ZNF717: variants seen among roughly 807,000 people sequenced by gnomAD.
The protein encoded by ZNF717 is krueppel-like factor X17.
ZNF717 carries 9 observed loss-of-function variants against 13.8 expected under a neutral mutation model. The ratio of observed to expected loss-of-function variants is 0.65; its 90% confidence interval spans 0.39 to 1.14. The LOEUF (loss-of-function observed/expected upper bound fraction) is 1.14, where lower values mean the gene tolerates loss of function less well. Ranked by LOEUF, ZNF717 falls within the 50% of genes most tolerant of loss-of-function variation. ZNF717 has a pLI of 0.01. For missense variants in ZNF717, 1,040 were observed against 1,080.7 expected, an observed-to-expected ratio of 0.96 and a Z score of 0.53; for synonymous variants, 327 against 364.1, an observed-to-expected ratio of 0.90 and a Z score of 1.16.
intron 2 of ZNF717, among the ~76,000 whole-genome samples, chr3:75,745,738 T>C (rs1941094518): frequency 2.0e-5 from 3 of 152,100 alleles, no homozygotes; most frequent in Admixed American, 6.6e-5. Flanking sequence ...GCACCTGGCT[T>C]ATTTCACTTA....
intron 2 of ZNF717, among the ~76,000 whole-genome samples, chr3:75,747,366 C>A (rs1415904912): frequency 5.9e-5 from 9 of 152,114 alleles, no homozygotes; most frequent in South Asian, 2.1e-4. Context: ...TCTATATCAA[C>A]TTTAAAGTAG....
At chr3:75,719,520 A>G (rs1451978082) in intron 4 of ZNF717, among the ~76,000 whole-genome samples, 90 of 152,314 alleles carry the variant, frequency 5.9e-4, no homozygotes, top group African/African-American at 1.8e-3. Flanking sequence ...TGACACAGAC[A>G]TTGCTATAGT....
intron 2 of ZNF717, among the ~76,000 whole-genome samples, chr3:75,751,159 T>C (rs796601544): frequency 6.7e-6 from 1 of 150,020 alleles, no homozygotes; most frequent in African/African-American, 2.5e-5. Context: ...CTGCTGCTGG[T>C]GTCTGAATGT....
chr3:75,737,917 C>G lies in ZNF717; in HGVS notation c.1706G>C (p.Gly569Ala). 1 of 1,549,718 alleles carries G rather than the reference C, an allele frequency of 6.5e-7. No individual in the cohort carries two copies. The change falls in exon 5 of 5, where the codon GGA (glycine) becomes GCA (alanine). Residue 569 changes from glycine to alanine, a missense_variant. Coordinates refer to ENST00000652011, the MANE Select transcript of ZNF717 (RefSeq NM_001290208.3). ...GAATGACTTACAGTGAAAGGATTTT[C>G]CACATTCATTACATTCATAGGGTTT... ...GEKPYECNEC[G>A]KSFHCKSFLT...
At chr3:75,743,025 A>C (rs1237978328) in intron 2 of ZNF717, among the ~76,000 whole-genome samples, 1 of 152,228 alleles carries the variant, frequency 6.6e-6, no homozygotes. Context: ...GAAGTGCAGA[A>C]AACGATATTC....
At chr3:75,769,329 G>A (rs1321151483) in intron 2 of ZNF717, among the ~76,000 whole-genome samples, 3 of 152,054 alleles carry the variant, frequency 2.0e-5, no homozygotes, top group Non-Finnish European at 4.4e-5. Context: ...GAGAGGGCTG[G>A]GTGCCTACTC....
downstream of ZNF717, among the ~76,000 whole-genome samples, chr3:75,728,094 G>C (rs1158358650): frequency 6.6e-6 from 1 of 152,214 alleles, no homozygotes; most frequent in Non-Finnish European, 1.5e-5. Flanking sequence ...GATGGTGCTA[G>C]AACATATGGT....
chr3:75,770,690 T>C (rs1943814895), intron 2 of ZNF717, among the ~76,000 whole-genome samples: 1 of 152,208 alleles, frequency 6.6e-6, no homozygotes, highest in South Asian at 2.1e-4. Flanking sequence ...TGCATGGTAG[T>C]AATACCATAC....
At chr3:75,746,759 C>A (rs1253007725) in intron 2 of ZNF717, among the ~76,000 whole-genome samples, 3 of 152,108 alleles carry the variant, frequency 2.0e-5, no homozygotes, top group Admixed American at 2.0e-4. Flanking sequence ...TTTGTAGATT[C>A]TGGATATTAG....
chr3:75,744,340 TAAC>T (rs1186822020), intron 2 of ZNF717, among the ~76,000 whole-genome samples: 42 of 127,850 alleles, frequency 3.3e-4, no homozygotes, highest in African/African-American at 1.2e-3. Flanking sequence ...TTAATTTTAA[TAAC>T]AATCTTAACA....
chr3:75,765,477 C>T (rs1432075949), intron 2 of ZNF717, among the ~76,000 whole-genome samples: 2 of 152,208 alleles, frequency 1.3e-5, no homozygotes, highest in African/African-American at 4.8e-5. Context: ...ATGGCATGAT[C>T]ACAGCTCACT....
intron 2 of ZNF717, among the ~76,000 whole-genome samples, chr3:75,782,099 C>A (rs1944867318): frequency 1.3e-5 from 2 of 152,276 alleles, no homozygotes; most frequent in Admixed American, 1.3e-4. Context: ...GCGTTTCTCT[C>A]TAACTCGCTC....
rs538514545 is a variant in ZNF717 at position 75,698,101 on chromosome 3, G to A, written n.1085+13086C>T. Among the ~76,000 whole-genome samples the A allele has an allele frequency of 4.4e-4, 66 of 151,342 alleles. No homozygotes were observed. The East Asian group carries it at 1.0e-2, about 23-fold the overall frequency. ...AAAATGTCTAAACAGCAAAGCATTT[G>A]AGATGTGGCCTGGCTGCTTCTAACA... On this transcript the variant is annotated intron_variant and non_coding_transcript_variant, in intron 6 of 6. Transcript: ENST00000648506.
chr3:75,778,698 G>A (rs571647106), intron 2 of ZNF717, among the ~76,000 whole-genome samples: 6 of 149,330 alleles, frequency 4.0e-5, no homozygotes, highest in South Asian at 2.1e-4. Context: ...TGGGAGTGAC[G>A]TGCTAAAACC....
chr3:75,738,767 C>G lies in ZNF717; in HGVS notation c.856G>C (p.Val286Leu). The change falls in exon 5 of 5, where the codon GTT becomes CTT. Residue 286 changes from valine (V) to leucine (L), a missense_variant. Physicochemically the swap from Val to Leu is conservative, Grantham distance 32 (BLOSUM62 1). Transcript: ENST00000652011. ...CTAATGGAGGGTTTCTCACATTCAA[C>G]ACATTCATAGGGTTTCTCTCCTGTG... is the stretch of plus-strand genomic sequence containing the variant. ...THTGEKPYEC[V>L]ECEKPSISKS... 2 of 1,424,940 alleles carry G rather than the reference C, an allele frequency of 1.4e-6. No individual in the cohort carries two copies. Among genetic ancestry groups the G allele is most frequent in the Non-Finnish European group, 9.4e-7 (1 of 1,060,622 alleles). The allele number at this position is 1,424,940 out of a possible 1,614,324, so 88.3% of individuals were successfully genotyped here. A position where few individuals can be genotyped will look rare whatever the true frequency, so the allele number is the denominator to read the frequency against.
intron 2 of ZNF717, among the ~76,000 whole-genome samples, chr3:75,757,830 T>A (rs1179801910): frequency 1.3e-5 from 2 of 151,612 alleles, no homozygotes; most frequent in African/African-American, 4.8e-5. Flanking sequence ...TAGGAGAAGT[T>A]GGGGCCGGGC....
chr3:75,765,176 G>A (rs1575919174), intron 2 of ZNF717, among the ~76,000 whole-genome samples: 1 of 151,644 alleles, frequency 6.6e-6, no homozygotes, highest in Admixed American at 6.6e-5. Context: ...AGGTATATAA[G>A]CCAAATTTTT....
At chr3:75,781,876 G>A (rs961411974) in intron 2 of ZNF717, among the ~76,000 whole-genome samples, 25 of 152,226 alleles carry the variant, frequency 1.6e-4, no homozygotes, top group Non-Finnish European at 3.2e-4. Context: ...CCTGCACCTG[G>A]AACAGTTTGT....
chr3:75,724,005 TAGC>T (rs1486374169), intron 4 of ZNF717, among the ~76,000 whole-genome samples: 1 of 151,852 alleles, frequency 6.6e-6, no homozygotes, highest in Non-Finnish European at 1.5e-5. Context: ...TAGATAGCAG[TAGC>T]AGAATTAGTG....
Sources: gnomAD v4.1 joint callset for allele counts (sites outside exome capture counted in the v4.1 genomes callset) on GRCh38, gnomAD v4.1.1 for gene constraint, MANE v1.5 for transcripts, NCBI Gene and HGNC (gene_info 2026-07-23, HGNC 2026-07-21) for gene names.